G3BP1: variants seen among roughly 807,000 people sequenced by gnomAD.
G3BP1 encodes the protein ras GTPase-activating protein-binding protein 1.
A neutral mutation model predicts 58.6 loss-of-function variants in G3BP1; 35 were observed. The observed-to-expected ratio is 0.60, with a 90% confidence interval of 0.46 to 0.79. The LOEUF (loss-of-function observed/expected upper bound fraction) is 0.79, where lower values mean the gene tolerates loss of function less well. G3BP1 is among the 30% of genes least tolerant of loss of function. The pLI, the probability that G3BP1 is intolerant of heterozygous loss-of-function variation, is 0.00. For synonymous variants in G3BP1, 191 were observed against 195.4 expected, an observed-to-expected ratio of 0.98 and a Z score of 0.19; for missense variants, 523 against 580.8, an observed-to-expected ratio of 0.90 and a Z score of 1.02.
intron 5 of G3BP1, among the ~76,000 whole-genome samples, chr5:151,794,717 A>C (rs1762721159): frequency 6.6e-6 from 1 of 152,250 alleles, no homozygotes; most frequent in Non-Finnish European, 1.5e-5. Context: ...TCTAGAAGAA[A>C]GGGTAGGCAT....
Position 151,810,176 on chromosome 5 carries a change from C to T in G3BP1, c.*6085C>T, listed in dbSNP as rs948409091. On this transcript the variant is annotated 3_prime_UTR_variant, in exon 12 of 12. Transcript: ENST00000356245. ...TTACTTTTGAGTTATTTCTCCCACT[C>T]TTCATGGAAGTGATGCTCCAGCCTT... is the stretch of plus-strand genomic sequence containing the variant. 4.6e-5 allele frequency: 7 copies of T among 152,230 alleles called. No individual in the cohort carries two copies. Among genetic ancestry groups the T allele is most frequent in the African/African-American group, 1.7e-4 (7 of 41,456 alleles). 9.4% of individuals were successfully genotyped at this position (152,230 alleles called of 1,614,324 possible).
rs1762828733 is a variant in G3BP1, at chr5:151,800,253, C to T, written c.991C>T (p.Arg331Ter). The T allele has an allele frequency of 3.1e-6, 5 of 1,612,832 alleles. No homozygotes were observed. The highest frequency in any genetic ancestry group is 4.2e-6 in the Non-Finnish European group (5 of 1,179,542). The change falls in exon 10 of 12, where the codon CGA becomes TGA. Residue 331 changes from arginine to a stop codon, truncating the protein, a stop_gained. Coordinates refer to ENST00000356245, the MANE Select transcript of G3BP1 (RefSeq NM_005754.3). LOFTEE classifies it high-confidence loss of function. ...EAGEQGDIEP[R>*]RMVRHPDSHQ... ...TGGTGAGCAAGGTGACATTGAACCC[C>T]GAAGAATGGTGAGACACCCTGACAG...
intron 1 of G3BP1, among the ~76,000 whole-genome samples, chr5:151,785,858 T>C (rs1213519165): frequency 6.6e-6 from 1 of 152,240 alleles, no homozygotes; most frequent in Admixed American, 6.5e-5. Context: ...TTATCTGATT[T>C]AGATGGGCCA....
At chr5:151,794,312 T>A in intron 5 of G3BP1, 63 bp downstream of exon 5, 1 of 847,986 alleles carries the variant, frequency 1.2e-6, no homozygotes, top group Non-Finnish European at 2.0e-6. Flanking sequence ...CGATTGCCCT[T>A]AAGAGACTAT....
At chr5:151,795,452 T>G in intron 5 of G3BP1, 27 bp from the exon 6 acceptor site, 1 of 1,182,568 alleles carries the variant, frequency 8.5e-7, no homozygotes, top group Non-Finnish European at 1.3e-6. Context: ...AAGTACAAAT[T>G]ACTTTAAATA....
rs1470144363 is a variant in G3BP1 at position 151,807,886 on chromosome 5, TG to T, written c.*3796del. On this transcript the variant is annotated 3_prime_UTR_variant, in exon 12 of 12. Coordinates refer to ENST00000356245, the MANE Select transcript of G3BP1 (RefSeq NM_005754.3). Reference sequence around the variant, plus strand: ...GTTGCATTTGTCAAATCTATAAAGATGTTTTTTATATTGCAGTTTTCTTTTT... The same window carrying T: ...GTTGCATTTGTCAAATCTATAAAGATTTTTTTATATTGCAGTTTTCTTTTT... 1 of 152,240 alleles carries T rather than the reference TG, an allele frequency of 6.6e-6. No homozygotes were observed. Among genetic ancestry groups the T allele is most frequent in the Non-Finnish European group, 1.5e-5 (1 of 68,042 alleles). 9.4% of individuals were successfully genotyped at this position (152,240 alleles called of 1,614,324 possible).
rs78729597 is a variant in G3BP1, at chr5:151,797,476, A to T, written c.741+48A>T. On this transcript the variant is annotated intron_variant, in intron 7 of 11. Transcript: ENST00000356245. Reference sequence around the variant, plus strand: ...TATTCTATTCCTAGTTATTTTTTTTAAAAAAAGTTTCTGTTCTTTTGTATT... The same window carrying T: ...TATTCTATTCCTAGTTATTTTTTTTTAAAAAAGTTTCTGTTCTTTTGTATT... The T allele has an allele frequency of 2.5e-3, 3,783 of 1,542,926 alleles. 13 individuals carry two copies. Among genetic ancestry groups the T allele is most frequent in the African/African-American group, 0.017 (1,216 of 71,624 alleles).
At chr5:151,780,628 T>C (rs1420238362) in intron 1 of G3BP1, among the ~76,000 whole-genome samples, 1 of 152,186 alleles carries the variant, frequency 6.6e-6, no homozygotes, top group Non-Finnish European at 1.5e-5. Flanking sequence ...TTCTCCTGCC[T>C]CAGCCTCCTG....
chr5:151,779,470 A>G (rs1408582360), intron 1 of G3BP1, among the ~76,000 whole-genome samples: 1 of 152,154 alleles, frequency 6.6e-6, no homozygotes, highest in East Asian at 1.9e-4. Flanking sequence ...ATAGTTGTCC[A>G]TGTGGATATG....
intron 1 of G3BP1, among the ~76,000 whole-genome samples, chr5:151,774,229 T>C (rs1762327867): frequency 6.6e-6 from 1 of 152,236 alleles, no homozygotes; most frequent in Non-Finnish European, 1.5e-5. Flanking sequence ...AGACAGTTCT[T>C]TGTTTAACTC....
chr5:151,797,070 A>T (rs1002780303), intron 6 of G3BP1, among the ~76,000 whole-genome samples, 157 bp from the exon 7 acceptor site: 7 of 152,216 alleles, frequency 4.6e-5, no homozygotes, highest in Non-Finnish European at 8.8e-5. Flanking sequence ...TTTAAAAATT[A>T]CTTTTTAAAA....
intron 4 of G3BP1, among the ~76,000 whole-genome samples, chr5:151,793,785 G>T (rs1185502904): frequency 8.4e-6 from 1 of 119,676 alleles, no homozygotes. Context: ...TTGAGCCCAG[G>T]AATTAAAGAC....
intron 2 of G3BP1, chr5:151,787,085 C>G (rs1762565827): frequency 6.5e-6 from 1 of 153,690 alleles, no homozygotes; most frequent in Non-Finnish European, 1.4e-5. Context: ...TCTCAAACTC[C>G]TAACCTCAGG....
chr5:151,773,435 G>C (rs1378953922), intron 1 of G3BP1, among the ~76,000 whole-genome samples: 1 of 152,204 alleles, frequency 6.6e-6, no homozygotes, highest in African/African-American at 2.4e-5. Context: ...ATGAAAGTTT[G>C]TGTACACTCC....
chr5:151,787,102 A>G (rs1488593341), intron 2 of G3BP1: 1 of 151,964 alleles, frequency 6.6e-6, no homozygotes, highest in Non-Finnish European at 1.4e-5. Flanking sequence ...CAGGTGATTG[A>G]TCCGCCTTGG....
intron 2 of G3BP1, 23 bp downstream of exon 2, chr5:151,786,738 C>G: frequency 3.8e-6 from 5 of 1,308,178 alleles, no homozygotes; most frequent in Non-Finnish European, 5.6e-6. Context: ...TCTCCTGCAT[C>G]ATCTAATGCT....
intron 3 of G3BP1, 29 bp downstream of exon 3, chr5:151,790,433 T>C: frequency 4.0e-6 from 5 of 1,248,962 alleles, no homozygotes; most frequent in Non-Finnish European, 5.6e-6. Context: ...ATTTAGGCTG[T>C]TAAGCAGGTA....
At chr5:151,791,963 C>T (rs1762666222) in intron 4 of G3BP1, 2 of 385,668 alleles carry the variant, frequency 5.2e-6, no homozygotes, top group Non-Finnish European at 5.1e-6. Context: ...CTTATTTTTT[C>T]TCTTTTTGAT....
chr5:151,795,561 T>G lies in G3BP1; in HGVS notation c.525T>G (p.Asp175Glu), dbSNP rs751179561. ...CTGATGATTCTGGAACTTTCTATGATCAGGCAGTTGTCAGGTAAGAAGATT... is the reference window on the plus strand; with the variant it reads ...CTGATGATTCTGGAACTTTCTATGAGCAGGCAGTTGTCAGGTAAGAAGATT... ...VVPDDSGTFYDQAVVSNDMEE... is the reference protein window; with the variant it reads ...VVPDDSGTFYEQAVVSNDMEE... Residue 175 changes from aspartate to glutamate, a missense_variant, in exon 6 of 12, where the codon GAT becomes GAG. By Grantham distance (45) the Asp-to-Glu change is conservative. Around this residue, in one of 2 missense-constraint regions of G3BP1, gnomAD observed 398 missense variants for 399.1 expected, o/e 1.00. Transcript: ENST00000356245. 2 of 1,590,260 alleles carry G rather than the reference T, an allele frequency of 1.3e-6. No individual in the cohort carries two copies. The highest frequency in any genetic ancestry group is 1.1e-5 in the South Asian group (1 of 90,408).
Sources: gnomAD v4.1 joint callset for allele counts (sites outside exome capture counted in the v4.1 genomes callset) on GRCh38, gnomAD v4.1.1 for gene constraint, gnomAD v4.1.1 regional missense constraint, MANE v1.5 for transcripts, NCBI Gene and HGNC (gene_info 2026-07-23, HGNC 2026-07-21) for gene names.